The following AUH variants were observed in gnomAD, a reference collection of about 807,000 sequenced individuals.
The protein encoded by AUH is AU RNA binding methylglutaconyl-CoA hydratase.
A neutral mutation model predicts 42.3 loss-of-function variants in AUH; 29 were observed. That is an observed-to-expected ratio of 0.69 (90% confidence interval 0.51 to 0.93). The LOEUF (loss-of-function observed/expected upper bound fraction) is 0.93, where lower values mean the gene tolerates loss of function less well. Among genes scored for constraint, AUH ranks in the 40% least tolerant of loss-of-function variants. The pLI is 0.00. For missense variants in AUH, 452 were observed against 438.1 expected (o/e 1.03, Z -0.28); for synonymous variants, 174 against 166.4 (o/e 1.05, Z -0.35).
At chr9:91,300,154 A>G (rs1038192604) in intron 4 of AUH, among the ~76,000 whole-genome samples, 1 of 151,568 alleles carries the variant, frequency 6.6e-6, no homozygotes, top group African/African-American at 2.4e-5. Context: ...TGGGTCCCTC[A>G]TTTTTCCTGC....
At chr9:91,264,563 T>C (rs1245589074) in intron 6 of AUH, among the ~76,000 whole-genome samples, 1 of 152,200 alleles carries the variant, frequency 6.6e-6, no homozygotes, top group Non-Finnish European at 1.5e-5. Flanking sequence ...AGGCCAAGTC[T>C]CTCTTTCTTG....
At chr9:91,239,375 C>T (rs1406884576) in intron 6 of AUH, among the ~76,000 whole-genome samples, 3 of 152,094 alleles carry the variant, frequency 2.0e-5, no homozygotes, top group Non-Finnish European at 4.4e-5. Context: ...ATAGAAAAGC[C>T]CCACTTCAGG....
At chr9:91,302,064 T>C (rs1016198585) in intron 4 of AUH, among the ~76,000 whole-genome samples, 4 of 152,168 alleles carry the variant, frequency 2.6e-5, no homozygotes, top group African/African-American at 9.7e-5. Context: ...AAGATGTCTG[T>C]CGTAGTAAAT....
Position 91,329,649 on chromosome 9 carries a change from A to C in AUH, c.419-4245T>G, listed in dbSNP as rs77183236. On this transcript the variant is annotated intron_variant, in intron 3 of 9. Coordinates refer to ENST00000375731, the MANE Select transcript of AUH (RefSeq NM_001698.3). ...ATAACTTAGATACAAGCCCTTTCTA[A>C]AATATATGATTTACAAATATTTTCT... Among the ~76,000 whole-genome samples, 50 of 152,108 alleles carry C rather than the reference A, an allele frequency of 3.3e-4. No homozygotes were observed. The East Asian group carries it at 8.3e-3, about 25-fold the overall frequency.
chr9:91,217,417 G>T, intron 7 of AUH, 90 bp from the exon 8 acceptor site: 2 of 1,383,846 alleles, frequency 1.4e-6, no homozygotes, highest in South Asian at 1.2e-5. Flanking sequence ...CCCACCACTG[G>T]ATCCATTGCA....
At chr9:91,349,920 T>A (rs1461736302) in intron 3 of AUH, among the ~76,000 whole-genome samples, 1 of 152,162 alleles carries the variant, frequency 6.6e-6, no homozygotes, top group Non-Finnish European at 1.5e-5. Flanking sequence ...TGTTCTAATC[T>A]ACAAGAAAGA....
chr9:91,265,339 A>T (rs1829916121), intron 6 of AUH, among the ~76,000 whole-genome samples: 1 of 141,672 alleles, frequency 7.1e-6, no homozygotes. Context: ...TCATTTTCTC[A>T]CATTTCTACT....
intron 3 of AUH, among the ~76,000 whole-genome samples, chr9:91,342,412 A>T (rs1447191323): frequency 6.6e-6 from 1 of 152,114 alleles, no homozygotes; most frequent in Admixed American, 6.6e-5. Flanking sequence ...TCCTGTTTCC[A>T]TGTAAGGTTC....
At chr9:91,308,033 C>T (rs747062876) in intron 4 of AUH, among the ~76,000 whole-genome samples, 4 of 152,292 alleles carry the variant, frequency 2.6e-5, no homozygotes, top group African/African-American at 7.2e-5. Context: ...CAAAATACAA[C>T]GCTTAACATT....
At position 91,314,903 on chromosome 9, in the gene AUH, G is replaced by A. The variant is rs1439102321; in HGVS notation, c.505+10415C>T. Among the ~76,000 whole-genome samples, 3 of 152,306 alleles carry A rather than the reference G, an allele frequency of 2.0e-5. No homozygotes were observed. The East Asian group carries it at 5.8e-4, about 29-fold the overall frequency. On this transcript the variant is annotated intron_variant, in intron 4 of 9. Coordinates refer to ENST00000375731, the MANE Select transcript of AUH (RefSeq NM_001698.3). ...GTTCTGGCCCATCTACAGAGGAGGC[G>A]CAATGAGAGTTTTTCGTGTCATCTG...
intron 7 of AUH, chr9:91,218,956 A>G: frequency 2.6e-5 from 26 of 985,312 alleles, no homozygotes; most frequent in Non-Finnish European, 3.1e-5. Context: ...TATTTGTTTG[A>G]CCTGGAGGAA....
At chr9:91,266,404 A>C (rs1302621955) in intron 6 of AUH, among the ~76,000 whole-genome samples, 1 of 151,926 alleles carries the variant, frequency 6.6e-6, no homozygotes, top group Non-Finnish European at 1.5e-5. Flanking sequence ...AATAAAAAAT[A>C]AAGGAAAGTT....
intron 6 of AUH, among the ~76,000 whole-genome samples, chr9:91,226,803 T>C (rs1301507934): frequency 1.1e-4 from 13 of 121,608 alleles, no homozygotes; most frequent in Admixed American, 7.9e-4. Flanking sequence ...ATTTATTAAA[T>C]AGGGAATCCT....
chr9:91,228,186 A>G (rs1827634643), intron 6 of AUH, among the ~76,000 whole-genome samples: 2 of 151,430 alleles, frequency 1.3e-5, no homozygotes, highest in African/African-American at 2.4e-5. Context: ...CTGGTCCTGG[A>G]CTCTTTTTGG....
At chr9:91,336,513 C>G (rs1830700444) in intron 3 of AUH, among the ~76,000 whole-genome samples, 1 of 151,854 alleles carries the variant, frequency 6.6e-6, no homozygotes, top group Non-Finnish European at 1.5e-5. Flanking sequence ...ACCTGTAAAC[C>G]TAGCTACTCA....
chr9:91,348,498 C>A (rs1831706058), intron 3 of AUH, among the ~76,000 whole-genome samples: 1 of 152,114 alleles, frequency 6.6e-6, no homozygotes, highest in Non-Finnish European at 1.5e-5. Context: ...ACCCAAATGA[C>A]CATCACCTAA....
chr9:91,314,378 G>A (rs1411179024), intron 4 of AUH, among the ~76,000 whole-genome samples: 1 of 151,412 alleles, frequency 6.6e-6, no homozygotes, highest in Non-Finnish European at 1.5e-5. Flanking sequence ...TGCTACTCGG[G>A]AGGCTGAGGT....
chr9:91,299,841 C>T (rs1431285865), intron 4 of AUH, among the ~76,000 whole-genome samples: 1 of 152,036 alleles, frequency 6.6e-6, no homozygotes, highest in Non-Finnish European at 1.5e-5. Flanking sequence ...TCTAGACCTC[C>T]TCAACCTACT....
intron 1 of AUH, among the ~76,000 whole-genome samples, 173 bp from the exon 2 acceptor site, chr9:91,356,328 G>C (rs935407712): frequency 6.6e-6 from 1 of 152,096 alleles, no homozygotes; most frequent in Non-Finnish European, 1.5e-5. Context: ...CAACATTTTG[G>C]TAAATTTTAC....
Sources: allele counts gnomAD v4.1 joint callset (sites outside exome capture counted in the v4.1 genomes callset), GRCh38; gene constraint gnomAD v4.1.1; transcripts MANE v1.5; gene names NCBI Gene and HGNC (gene_info 2026-07-23, HGNC 2026-07-21).